The following TAOK3 variants were observed in gnomAD, a reference collection of about 807,000 sequenced individuals.
The protein encoded by TAOK3 is serine/threonine-protein kinase TAO3.
A neutral mutation model predicts 120.4 loss-of-function variants in TAOK3; 40 were observed. The ratio of observed to expected loss-of-function variants is 0.33; its 90% CI spans 0.26 to 0.43. TAOK3 has a LOEUF of 0.43. Ranked by LOEUF, TAOK3 falls within the 20% of genes least tolerant of loss-of-function variation. The probability of loss-of-function intolerance (pLI) is 1.00; values close to 1 mark genes in which losing one functional copy is unlikely to be tolerated. For synonymous variants in TAOK3, 355 were observed against 387.5 expected (o/e 0.92, Z 0.99); for missense variants, 821 against 1,112.1 (o/e 0.74, Z 3.72).
chr12:118,276,511 C>A (rs956277120), intron 1 of TAOK3, among the ~76,000 whole-genome samples: 8 of 151,930 alleles, frequency 5.3e-5, no homozygotes, highest in Non-Finnish European at 8.8e-5. Context: ...ACCAACCTGG[C>A]GAACACTGTG....
intron 1 of TAOK3, among the ~76,000 whole-genome samples, chr12:118,314,867 T>C (rs985430728): frequency 1.3e-5 from 2 of 152,214 alleles, no homozygotes; most frequent in African/African-American, 2.4e-5. Flanking sequence ...TCTAGTGAAG[T>C]TGAAGATGCG....
At chr12:118,259,671 T>C (rs990542242) in intron 2 of TAOK3, among the ~76,000 whole-genome samples, 1 of 152,204 alleles carries the variant, frequency 6.6e-6, no homozygotes, top group Non-Finnish European at 1.5e-5. Context: ...CATTAAATGT[T>C]TGAGCTTAAT....
chr12:118,209,736 A>G (rs2139426169), intron 11 of TAOK3, among the ~76,000 whole-genome samples: 1 of 140,016 alleles, frequency 7.1e-6, no homozygotes, highest in South Asian at 2.3e-4. Context: ...TTTTTGAGAC[A>G]GGGTTTTACT....
intron 19 of TAOK3, among the ~76,000 whole-genome samples, chr12:118,153,619 T>G (rs763566472): frequency 1.3e-5 from 2 of 152,146 alleles, no homozygotes; most frequent in Non-Finnish European, 2.9e-5. Flanking sequence ...GACCCTGGGT[T>G]GCAGGCTTGG....
At chr12:118,221,475 C>A (rs2039227814) in intron 9 of TAOK3, among the ~76,000 whole-genome samples, 1 of 152,058 alleles carries the variant, frequency 6.6e-6, no homozygotes, top group South Asian at 2.1e-4. Context: ...GAACCACCTG[C>A]CTCGGCCTCC....
chr12:118,176,687 G>C (rs918974733), intron 16 of TAOK3, among the ~76,000 whole-genome samples: 10 of 151,120 alleles, frequency 6.6e-5, no homozygotes, highest in African/African-American at 2.4e-4. Context: ...AAATCAGTCA[G>C]ATAAAAAAAT....
At chr12:118,357,060 T>TA (rs1347461725) in intron 1 of TAOK3, among the ~76,000 whole-genome samples, 1 of 152,196 alleles carries the variant, frequency 6.6e-6, no homozygotes, top group African/African-American at 2.4e-5. Context: ...AACTAACCTT[T>TA]AAAAAATGTT....
intron 1 of TAOK3, among the ~76,000 whole-genome samples, chr12:118,346,224 G>C (rs2044853122): frequency 6.6e-6 from 1 of 152,212 alleles, no homozygotes; most frequent in Non-Finnish European, 1.5e-5. Context: ...TTGTTGAGAA[G>C]AGGAGAAAGG....
Position 118,168,967 on chromosome 12 carries a change from T to G in TAOK3, c.1899+3490A>C, listed in dbSNP as rs1289855156. ...AATCAGCTTGCTTGCTTTCCTTCCT[T>G]CCTTCCTTCCTTCCTTCCTTCCTTC... On this transcript the variant is annotated intron_variant, in intron 17 of 20. Coordinates refer to ENST00000392533, the MANE Select transcript of TAOK3 (RefSeq NM_016281.4). Among the ~76,000 whole-genome samples, 50 of 42,246 alleles carry G rather than the reference T, an allele frequency of 1.2e-3. 2 individuals are homozygous for G. In the East Asian group the frequency reaches 0.016, roughly 14 times the overall value. The allele number at this position is 42,246 out of a possible 152,430, so 27.7% of individuals were successfully genotyped here.
intron 9 of TAOK3, among the ~76,000 whole-genome samples, chr12:118,219,676 C>G (rs1310530404): frequency 6.6e-6 from 1 of 151,724 alleles, no homozygotes; most frequent in Non-Finnish European, 1.5e-5. Context: ...CTCACTGCAG[C>G]CTTGACCTCC....
At position 118,372,898 on chromosome 12, in the gene TAOK3, T is replaced by A. The variant is rs2045945818; in HGVS notation, c.-444A>T. 1 of 154,386 alleles carries A rather than the reference T, an allele frequency of 6.5e-6. No individual in the cohort carries two copies. Among genetic ancestry groups the A allele is most frequent in the Non-Finnish European group, 1.4e-5 (1 of 69,594 alleles). The allele number at this position is 154,386 out of a possible 1,614,324, so 9.6% of individuals were successfully genotyped here. A position where few individuals can be genotyped will look rare whatever the true frequency, so the allele number is the denominator to read the frequency against. Reference sequence around the variant, plus strand: ...CCGCCGCCGCTGCTGCTGTCCGAGGTGCGGCTCCTGCCAGGGGTGGCCAAT... The same window carrying A: ...CCGCCGCCGCTGCTGCTGTCCGAGGAGCGGCTCCTGCCAGGGGTGGCCAAT... On this transcript the variant is annotated 5_prime_UTR_variant, in exon 1 of 21. Coordinates refer to ENST00000392533, the MANE Select transcript of TAOK3 (RefSeq NM_016281.4). The surrounding 1 kb of genome is among the most constrained non-coding windows in gnomAD (Gnocchi z 4.6).
chr12:118,218,162 C>A (rs1314557193), intron 9 of TAOK3, among the ~76,000 whole-genome samples: 3 of 151,952 alleles, frequency 2.0e-5, no homozygotes, highest in African/African-American at 7.2e-5. Flanking sequence ...TTTATACTTA[C>A]CAAACAGATA....
At chr12:118,332,527 ACTT>A (rs2044194943) in intron 1 of TAOK3, among the ~76,000 whole-genome samples, 1 of 152,092 alleles carries the variant, frequency 6.6e-6, no homozygotes, top group African/African-American at 2.4e-5. Flanking sequence ...TATATCTTGT[ACTT>A]CTTTTTTATT....
intron 3 of TAOK3, among the ~76,000 whole-genome samples, chr12:118,254,447 A>C (rs1364202076): frequency 6.6e-6 from 1 of 150,634 alleles, no homozygotes; most frequent in African/African-American, 2.4e-5. Context: ...CTTGTTATTT[A>C]GGGAAAAAGA....
intron 1 of TAOK3, among the ~76,000 whole-genome samples, chr12:118,331,645 C>CAAAAAAAAA (rs57291591): frequency 1.5e-4 from 7 of 48,012 alleles, no homozygotes; most frequent in Non-Finnish European, 2.8e-4. Context: ...ACTCTTATCT[C>CAAAAAAAAA]AAAAAAAAAA....
At chr12:118,236,138 C>T (rs2040010898) in intron 7 of TAOK3, 1 of 157,198 alleles carries the variant, frequency 6.4e-6, no homozygotes, top group South Asian at 1.9e-4. Context: ...TGACCACCTA[C>T]CAATAAACCT....
At chr12:118,223,738 G>A (rs1166715025) in intron 9 of TAOK3, among the ~76,000 whole-genome samples, 2 of 151,672 alleles carry the variant, frequency 1.3e-5, no homozygotes, top group African/African-American at 4.8e-5. Flanking sequence ...CTGCCTCCTG[G>A]GTTCAAGCAA....
intron 1 of TAOK3, among the ~76,000 whole-genome samples, chr12:118,346,024 C>T (rs1379152442): frequency 1.3e-5 from 2 of 151,932 alleles, no homozygotes; most frequent in Non-Finnish European, 2.9e-5. Context: ...ATTACTATTC[C>T]TAAAAATACT....
chr12:118,229,943 T>C (rs1307810141), intron 9 of TAOK3, among the ~76,000 whole-genome samples: 2 of 151,930 alleles, frequency 1.3e-5, no homozygotes, highest in Non-Finnish European at 2.9e-5. Context: ...AAAAAAATAA[T>C]AATAACACTT....
Sources: gnomAD v4.1 joint callset for allele counts (sites outside exome capture counted in the v4.1 genomes callset) on GRCh38, gnomAD v4.1.1 for gene constraint, Gnocchi (gnomAD v3.1) non-coding constraint, MANE v1.5 for transcripts, NCBI Gene and HGNC (gene_info 2026-07-23, HGNC 2026-07-21) for gene names.